The following PREX1 variants were observed in gnomAD, a reference collection of about 807,000 sequenced individuals.
PREX1 encodes the protein phosphatidylinositol-3,4,5-trisphosphate dependent Rac exchange factor 1.
In PREX1, 41 loss-of-function variants were observed where a neutral mutation model predicts 198.3. The observed-to-expected ratio is 0.21, with a 90% CI of 0.16 to 0.27. PREX1 has a LOEUF of 0.27. Among genes scored for constraint, PREX1 ranks in the 10% least tolerant of loss-of-function variants. The pLI, the probability that PREX1 is intolerant of heterozygous loss-of-function variation, is 1.00. For missense variants in PREX1, 1,620 were observed against 2,200.7 expected (o/e 0.74, Z 5.28); for synonymous variants, 843 against 887.2 (o/e 0.95, Z 0.89).
At chr20:48,725,873 T>C (rs141989526) in intron 5 of PREX1, among the ~76,000 whole-genome samples, 130 of 152,332 alleles carry the variant, frequency 8.5e-4, no homozygotes, top group Admixed American at 5.8e-3. Context: ...CTAAGCTGAC[T>C]GGAGGATGAT....
At chr20:48,841,886 G>C in the PREX1 span, among the ~76,000 whole-genome samples, 31 of 152,198 alleles carry the variant, frequency 2.0e-4, no homozygotes, top group Non-Finnish European at 2.5e-4. Flanking sequence ...AAGTTAATGA[G>C]GAACAAGGGC....
chr20:48,851,269 G>C, the PREX1 span, among the ~76,000 whole-genome samples: 1 of 152,202 alleles, frequency 6.6e-6, no homozygotes, highest in Non-Finnish European at 1.5e-5. Flanking sequence ...CACTTTGGGA[G>C]GCTGAAGCGG....
chr20:48,758,717 A>T (rs2090165836), intron 1 of PREX1, among the ~76,000 whole-genome samples: 1 of 152,248 alleles, frequency 6.6e-6, no homozygotes. Context: ...GGGAGCAAAC[A>T]GCATTGCGTG....
intron 1 of PREX1, among the ~76,000 whole-genome samples, chr20:48,795,052 T>C (rs1423683559): frequency 6.6e-6 from 1 of 152,138 alleles, no homozygotes; most frequent in Admixed American, 6.5e-5. Flanking sequence ...GTCCTTATCC[T>C]CAGTCACTAA....
intron 9 of PREX1, 109 bp from the exon 10 acceptor site, chr20:48,688,913 C>T (rs2089801209): frequency 7.6e-7 from 1 of 1,315,532 alleles, no homozygotes; most frequent in Admixed American, 1.9e-5. Flanking sequence ...CTGCCACCTG[C>T]CCCACCACCT....
At chr20:48,789,222 G>A (rs1429073446) in intron 1 of PREX1, among the ~76,000 whole-genome samples, 1 of 152,158 alleles carries the variant, frequency 6.6e-6, no homozygotes, top group Non-Finnish European at 1.5e-5. Flanking sequence ...CAATGTCATG[G>A]AAGGTTCCCA....
chr20:48,673,156 G>C (rs1468852641), intron 14 of PREX1, among the ~76,000 whole-genome samples: 1 of 152,170 alleles, frequency 6.6e-6, no homozygotes, highest in African/African-American at 2.4e-5. Context: ...CTGAGGTCTG[G>C]GTGTGTGTGT....
intron 33 of PREX1, 55 bp from the exon 34 acceptor site, chr20:48,632,694 GC>G (rs2089325125): frequency 1.3e-6 from 2 of 1,591,622 alleles, no homozygotes; most frequent in East Asian, 4.5e-5. Flanking sequence ...GCCAGGGGAA[GC>G]CCTGGCACAC....
chr20:48,627,810 C>T (rs753577314), intron 38 of PREX1, 51 bp downstream of exon 38: 1 of 1,548,242 alleles, frequency 6.5e-7, no homozygotes, highest in South Asian at 1.2e-5. Context: ...TGCAAGCATG[C>T]CACGCCCTCA....
chr20:48,695,116 C>G (rs183905395), intron 7 of PREX1, among the ~76,000 whole-genome samples: 52 of 152,294 alleles, frequency 3.4e-4, no homozygotes, highest in African/African-American at 1.1e-3. Flanking sequence ...ACACCTGTAT[C>G]AACATGTTTA....
At chr20:48,818,211 G>A (rs1312789725) in intron 1 of PREX1, among the ~76,000 whole-genome samples, 1 of 152,156 alleles carries the variant, frequency 6.6e-6, no homozygotes, top group East Asian at 1.9e-4. Context: ...GGGCGAGGGG[G>A]TAAGAGCTAC....
intron 1 of PREX1, among the ~76,000 whole-genome samples, chr20:48,798,053 T>C (rs2090371108): frequency 1.3e-5 from 2 of 152,214 alleles, no homozygotes; most frequent in African/African-American, 4.8e-5. Context: ...AGAAGTCACG[T>C]AAGTCAATCT....
intron 11 of PREX1, among the ~76,000 whole-genome samples, chr20:48,680,220 T>C (rs2089740408): frequency 6.6e-6 from 1 of 152,146 alleles, no homozygotes; most frequent in South Asian, 2.1e-4. Flanking sequence ...CCATTAGCAA[T>C]GCCTATAAGG....
At chr20:48,763,459 T>A (rs192225149) in intron 1 of PREX1, among the ~76,000 whole-genome samples, 28 of 152,298 alleles carry the variant, frequency 1.8e-4, no homozygotes, top group Admixed American at 1.5e-3. Context: ...GGGGTCCTTG[T>A]GCCTGTCTGC....
intron 30 of PREX1, among the ~76,000 whole-genome samples, chr20:48,638,247 C>T (rs114246490): frequency 2.6e-5 from 4 of 152,010 alleles, no homozygotes; most frequent in Non-Finnish European, 5.9e-5. Context: ...AAGTGCACAC[C>T]ACACACGTGC....
chr20:48,776,783 C>G (rs954984895), intron 1 of PREX1, among the ~76,000 whole-genome samples: 1 of 152,192 alleles, frequency 6.6e-6, no homozygotes, highest in Admixed American at 6.5e-5. Flanking sequence ...ATCAGAACAG[C>G]AGGCATTCAG....
chr20:48,649,258 A>T (rs1391503660), intron 25 of PREX1, 42 bp downstream of exon 25: 1 of 1,590,608 alleles, frequency 6.3e-7, no homozygotes, highest in Non-Finnish European at 8.6e-7. Context: ...GATTGAGAAC[A>T]CCTGCCCCTG....
chr20:48,692,080 G>A (rs1333944675), intron 8 of PREX1, among the ~76,000 whole-genome samples: 1 of 152,094 alleles, frequency 6.6e-6, no homozygotes, highest in Non-Finnish European at 1.5e-5. Context: ...TGTAGAGACA[G>A]GTTTTCTCCA....
intron 13 of PREX1, 133 bp downstream of exon 13, chr20:48,679,227 A>C: frequency 1.3e-6 from 1 of 751,652 alleles, no homozygotes; most frequent in Non-Finnish European, 2.3e-6. Flanking sequence ...GACAAATCTA[A>C]AGGATAGGTG....
Sources: allele counts gnomAD v4.1 joint callset (sites outside exome capture counted in the v4.1 genomes callset), GRCh38; gene constraint gnomAD v4.1.1; transcripts MANE v1.5; gene names NCBI Gene and HGNC (gene_info 2026-07-23, HGNC 2026-07-21).